RNF170: variants seen among roughly 807,000 people sequenced by gnomAD.
RNF170 encodes ring finger protein 170.
In RNF170, 12 loss-of-function variants were observed where a neutral mutation model predicts 32.7. The observed-to-expected ratio is 0.37, with a 90% CI of 0.24 to 0.60. The LOEUF is 0.60. RNF170 is among the 20% of genes least tolerant of loss of function. The pLI is 0.72. For missense variants in RNF170, 212 were observed against 311.2 expected (o/e 0.68, Z 2.40); for synonymous variants, 91 against 103.6 (o/e 0.88, Z 0.74).
chr8:42,890,550 T>TA (rs1806218001), intron 1 of RNF170, among the ~76,000 whole-genome samples: 1 of 152,174 alleles, frequency 6.6e-6, no homozygotes, highest in Non-Finnish European at 1.5e-5. Flanking sequence ...GTGCTGGGAT[T>TA]ACAGGTGTGA....
At position 42,878,329 on chromosome 8, in the gene RNF170, G is replaced by A. The variant is rs1350822909; in HGVS notation, c.138-4323C>T. Among the ~76,000 whole-genome samples, 4 of 152,142 alleles carry A rather than the reference G, an allele frequency of 2.6e-5. No individual in the cohort carries two copies. In the East Asian group the frequency reaches 5.8e-4, roughly 22 times the overall value. On this transcript the variant is annotated intron_variant, in intron 2 of 6. Transcript: ENST00000527424. ...AGCTAGGGCAAAAGTTGTGCTAGCTGGCCAAGTTGTGAATTAAAAGGAAAA... is the reference window on the plus strand; with the variant it reads ...AGCTAGGGCAAAAGTTGTGCTAGCTAGCCAAGTTGTGAATTAAAAGGAAAA...
At chr8:42,892,027 C>A (rs1207911530) in intron 1 of RNF170, among the ~76,000 whole-genome samples, 5 of 152,226 alleles carry the variant, frequency 3.3e-5, no homozygotes, top group African/African-American at 1.2e-4. Flanking sequence ...CCATTCTCAT[C>A]TACCACCCAG....
Position 42,896,471 on chromosome 8 carries a change from G to A in RNF170, c.-8+13C>T, listed in dbSNP as rs749603531. On this transcript the variant is annotated intron_variant, in intron 1 of 6. Transcript: ENST00000527424. Reference sequence around the variant, plus strand: ...CCGATAGGGTGGGCGTGGCCGCCGCGCGCCGGACGTACCTCTCCACCGCGA... The same window carrying A: ...CCGATAGGGTGGGCGTGGCCGCCGCACGCCGGACGTACCTCTCCACCGCGA... The A allele has an allele frequency of 8.8e-6, 4 of 453,674 alleles. No individual in the cohort carries two copies. Among genetic ancestry groups the A allele is most frequent in the Admixed American group, 2.4e-5 (1 of 42,544 alleles). The allele number at this position is 453,674 out of a possible 1,614,324, so 28.1% of individuals were successfully genotyped here. A position where few individuals can be genotyped will look rare whatever the true frequency, so the allele number is the denominator to read the frequency against.
intron 2 of RNF170, among the ~76,000 whole-genome samples, chr8:42,885,505 C>T (rs1285143984): frequency 6.6e-6 from 1 of 152,152 alleles, no homozygotes; most frequent in African/African-American, 2.4e-5. Flanking sequence ...AGCAACTGTA[C>T]CATTTTATAC....
intron 2 of RNF170, among the ~76,000 whole-genome samples, chr8:42,885,712 T>A (rs1035528033): frequency 1.3e-5 from 2 of 152,230 alleles, no homozygotes; most frequent in African/African-American, 4.8e-5. Flanking sequence ...CATTTGTATG[T>A]CTTCTTTTGA....
At chr8:42,867,015 T>C (rs1032695573) in intron 4 of RNF170, among the ~76,000 whole-genome samples, 5 of 152,222 alleles carry the variant, frequency 3.3e-5, no homozygotes, top group African/African-American at 9.6e-5. Flanking sequence ...ATTCTTGCTC[T>C]TGCCTCAGCA....
intron 4 of RNF170, among the ~76,000 whole-genome samples, chr8:42,868,947 GC>G (rs1395234974): frequency 6.6e-6 from 1 of 151,974 alleles, no homozygotes; most frequent in African/African-American, 2.4e-5. Context: ...ATCTTGCTCT[GC>G]TGCCCATGCT....
intron 2 of RNF170, among the ~76,000 whole-genome samples, chr8:42,875,169 T>TA (rs35059319): frequency 0.11 from 14,104 of 129,736 alleles, 784 homozygotes; most frequent in African/African-American, 0.16. Flanking sequence ...AAAACCGTCT[T>TA]AAAAAAAAAA....
intron 2 of RNF170, among the ~76,000 whole-genome samples, chr8:42,881,760 C>T (rs1563268933): frequency 6.6e-6 from 1 of 151,940 alleles, no homozygotes; most frequent in Admixed American, 6.6e-5. Flanking sequence ...CATGGTGAAA[C>T]ACTGTTTCTA....
At chr8:42,896,417 A>T (rs1216760497) in intron 1 of RNF170, 67 bp downstream of exon 1, 1 of 451,604 alleles carries the variant, frequency 2.2e-6, no homozygotes, top group Admixed American at 2.4e-5. Context: ...CAAGAAGGCC[A>T]GACCCCGCCG....
At position 42,853,993 on chromosome 8, in the gene RNF170, C is replaced by T; in HGVS notation, c.*2166G>A. ...AAATCCTGTCAAAAAATGACATCAC[C>T]ATTCCCCCACACCAAATGTGTAATT... On this transcript the variant is annotated 3_prime_UTR_variant, in exon 7 of 7. Transcript: ENST00000527424. The T allele has an allele frequency of 7.8e-7, 1 of 1,287,172 alleles. No homozygotes were observed. The highest frequency in any genetic ancestry group is 1.5e-5 in the African/African-American group (1 of 65,920). 79.7% of individuals were successfully genotyped at this position (1,287,172 alleles called of 1,614,324 possible). A position where few individuals can be genotyped will look rare whatever the true frequency, so the allele number is the denominator to read the frequency against.
rs557449361 is a variant in RNF170 at position 42,872,503 on chromosome 8, C to T, written c.213+1428G>A. 1.3e-4 allele frequency among the ~76,000 whole-genome samples: 20 copies of T among 152,254 alleles called. No homozygotes were observed. In the South Asian group the frequency reaches 2.1e-3, roughly 16 times the overall value. ...CTGTCACCAGGCTGGAGTGCAGTGGCGCAATCTCAGCTCACTACAACCTCC... is the reference window on the plus strand; with the variant it reads ...CTGTCACCAGGCTGGAGTGCAGTGGTGCAATCTCAGCTCACTACAACCTCC... On this transcript the variant is annotated intron_variant, in intron 3 of 6. Coordinates refer to ENST00000527424, the MANE Select transcript of RNF170 (RefSeq NM_030954.4).
At chr8:42,895,037 G>A (rs577275644) in intron 1 of RNF170, among the ~76,000 whole-genome samples, 3 of 152,184 alleles carry the variant, frequency 2.0e-5, no homozygotes, top group Admixed American at 1.3e-4. Flanking sequence ...TGCTGACCCA[G>A]GCTCGGTGGC....
At chr8:42,861,928 C>T in intron 5 of RNF170, 73 bp from the exon 6 acceptor site, 1 of 1,437,636 alleles carries the variant, frequency 7.0e-7, no homozygotes, top group South Asian at 1.3e-5. Context: ...TGTTATTATT[C>T]AATAGAATGA....
intron 1 of RNF170, chr8:42,889,390 G>C (rs769485078): frequency 4.6e-5 from 7 of 151,906 alleles, no homozygotes; most frequent in Non-Finnish European, 8.8e-5. Context: ...GACAAAACAG[G>C]AAGTGTCAAA....
chr8:42,853,830 G>A lies in RNF170; in HGVS notation c.*2329C>T. 8 of 1,287,050 alleles carry A rather than the reference G, an allele frequency of 6.2e-6. No individual in the cohort carries two copies. The highest frequency in any genetic ancestry group is 8.1e-6 in the Non-Finnish European group (8 of 988,582). 79.7% of individuals were successfully genotyped at this position (1,287,050 alleles called of 1,614,324 possible). ...CTTTTCACAATTTAGGAAGCTTTAA[G>A]ATCATTTAGTATTTTTTTATGTTAC... On this transcript the variant is annotated 3_prime_UTR_variant, in exon 7 of 7. Transcript: ENST00000527424.
At chr8:42,861,477 A>C in intron 6 of RNF170, 1 of 375,992 alleles carries the variant, frequency 2.7e-6, no homozygotes. Flanking sequence ...AGAAGCAGGG[A>C]CTACAGGCAT....
chr8:42,897,227 C>T (rs1807012840), upstream of RNF170: 2 of 1,210,172 alleles, frequency 1.7e-6, no homozygotes, highest in Admixed American at 8.5e-5. Context: ...GACCCCCTCC[C>T]CCCGCCACCT....
At chr8:42,895,388 T>C (rs535685729) in intron 1 of RNF170, among the ~76,000 whole-genome samples, 1 of 152,076 alleles carries the variant, frequency 6.6e-6, no homozygotes, top group East Asian at 1.9e-4. Context: ...CTACTCTTAA[T>C]GGAAAAAAAG....
Sources: allele counts gnomAD v4.1 joint callset (sites outside exome capture counted in the v4.1 genomes callset), GRCh38; gene constraint gnomAD v4.1.1; transcripts MANE v1.5; gene names NCBI Gene and HGNC (gene_info 2026-07-23, HGNC 2026-07-21).